FANCB: variants seen among roughly 807,000 people sequenced by gnomAD.
FANCB encodes the protein Fanconi anemia group B protein.
In FANCB, 5 loss-of-function variants were observed where a neutral mutation model predicts 38.9. The ratio of observed to expected loss-of-function variants is 0.13; its 90% CI spans 0.07 to 0.27. FANCB has a LOEUF of 0.27. Among genes scored for constraint, FANCB ranks in the 10% least tolerant of loss-of-function variants. The pLI, the probability that FANCB is intolerant of heterozygous loss-of-function variation, is 1.00. For synonymous variants in FANCB, 236 were observed against 215.4 expected, an observed-to-expected ratio of 1.10 and a Z score of -0.84; for missense variants, 573 against 602.7, an observed-to-expected ratio of 0.95 and a Z score of 0.52.
chrX:14,820,004 G>A, the FANCB span, among the ~76,000 whole-genome samples: 2 of 111,219 alleles, frequency 1.8e-5, no homozygotes, highest in South Asian at 7.5e-4. Flanking sequence ...TGTCCCCCAA[G>A]TGAACCCATT....
the FANCB span, among the ~76,000 whole-genome samples, chrX:14,734,404 G>A: frequency 8.9e-6 from 1 of 112,037 alleles, no homozygotes; most frequent in Non-Finnish European, 1.9e-5. Context: ...AGGAGCTCTG[G>A]TAAGGCAGGC....
the FANCB span, among the ~76,000 whole-genome samples, chrX:14,707,779 C>T: frequency 1.5e-4 from 15 of 99,625 alleles, no homozygotes; most frequent in South Asian, 4.1e-4. Flanking sequence ...TGTGTGCACG[C>T]GCGCGTGTTG....
intron 7 of FANCB, among the ~76,000 whole-genome samples, chrX:14,849,674 T>C (rs2092392543): frequency 8.9e-6 from 1 of 112,474 alleles, no homozygotes; most frequent in African/African-American, 3.2e-5. Flanking sequence ...ACCTATTCAC[T>C]TTGGTCAATA....
chrX:14,845,370 TA>T (rs1256854930), intron 7 of FANCB, 84 bp from the exon 8 acceptor site: 3 of 705,762 alleles, frequency 4.3e-6, no homozygotes, highest in Non-Finnish European at 6.6e-6. Flanking sequence ...CAAACAACAG[TA>T]AAAAATGTTT....
chrX:14,736,667 G>A, the FANCB span, among the ~76,000 whole-genome samples: 5 of 111,584 alleles, frequency 4.5e-5, no homozygotes, highest in African/African-American at 6.5e-5. Context: ...GCTGCAGACT[G>A]GAGCTGTTCC....
chrX:14,757,021 T>C, the FANCB span, among the ~76,000 whole-genome samples: 1,241 of 112,029 alleles, frequency 0.011, 13 homozygotes, highest in African/African-American at 0.037. Flanking sequence ...CATACTGAGG[T>C]ATCTCCTCAC....
the FANCB span, among the ~76,000 whole-genome samples, chrX:14,720,453 A>G: frequency 8.9e-6 from 1 of 112,061 alleles, no homozygotes; most frequent in Non-Finnish European, 1.9e-5. Flanking sequence ...GAGACAAGGT[A>G]TCTGCTCCAC....
the FANCB span, among the ~76,000 whole-genome samples, chrX:14,712,443 TTTTGTCTTC>T: frequency 9.0e-6 from 1 of 111,602 alleles, no homozygotes; most frequent in South Asian, 3.7e-4. Flanking sequence ...AAGTGCAGGA[TTTTGTCTTC>T]TTTATCCTTG....
intron 3 of FANCB, among the ~76,000 whole-genome samples, chrX:14,861,163 C>T (rs1269245249): frequency 8.9e-6 from 1 of 111,752 alleles, no homozygotes; most frequent in African/African-American, 3.3e-5. Context: ...GGATTACAAA[C>T]GTGGGCCACT....
the FANCB span, among the ~76,000 whole-genome samples, chrX:14,792,309 G>C: frequency 9.0e-6 from 1 of 110,738 alleles, no homozygotes; most frequent in Admixed American, 9.7e-5. Context: ...GAATAAATTT[G>C]ATCTGAAAAA....
In FANCB at chrX:14,864,310, T is replaced by C. The variant is rs902984436; in HGVS notation, c.951+250A>G. Among the ~76,000 whole-genome samples the C allele has an allele frequency of 1.7e-4, 19 of 111,369 alleles. No individual in the cohort carries two copies. In the Admixed American group the frequency reaches 1.7e-3, roughly 10 times the overall value. ...TAGAAAAATAAATACATAATTCTAG[T>C]TACATATGTATTTACACATTTCCAA... On this transcript the variant is annotated intron_variant, in intron 3 of 9. Coordinates refer to ENST00000650831, the MANE Select transcript of FANCB (RefSeq NM_001018113.3).
rs1269052513 is a variant in FANCB, at chrX:14,843,793, A to G, written c.2354T>C (p.Met785Thr). The G allele has an allele frequency of 2.5e-6, 3 of 1,209,536 alleles. No homozygotes were observed. In the African/African-American group the frequency reaches 5.2e-5, roughly 21 times the overall value. ...TCCTTTGCTCACTTCACACCTCTGC[A>G]TAAAATTGCTTTCATGTTTAGCTAT... ...SAIAKHESNF[M>T]QRCEVSKGKS... Residue 785 changes from methionine to threonine, a missense_variant, in exon 10 of 10, where the codon ATG (methionine) becomes ACG (threonine). Transcript: ENST00000650831.
chrX:14,731,373 C>G, the FANCB span: 1 of 111,611 alleles, frequency 9.0e-6, no homozygotes. Flanking sequence ...TGACTTTAAT[C>G]GCCCAACTGT....
At chrX:14,729,927 A>G in the FANCB span, among the ~76,000 whole-genome samples, 1 of 112,121 alleles carries the variant, frequency 8.9e-6, no homozygotes, top group South Asian at 3.7e-4. Flanking sequence ...AGATTTTGGG[A>G]AAGTCAGTAC....
the FANCB span, chrX:14,730,484 A>AGAT: frequency 8.4e-7 from 1 of 1,191,664 alleles, no homozygotes; most frequent in Non-Finnish European, 1.1e-6. Flanking sequence ...CACAAGAAAT[A>AGAT]GATGTGCCCT....
chrX:14,803,427 G>A, the FANCB span, among the ~76,000 whole-genome samples: 1 of 112,645 alleles, frequency 8.9e-6, no homozygotes, highest in Non-Finnish European at 1.9e-5. Context: ...AAGCAGAGAT[G>A]CTACTTGGAT....
chrX:14,749,076 A>C, the FANCB span, among the ~76,000 whole-genome samples: 13 of 111,811 alleles, frequency 1.2e-4, no homozygotes, highest in South Asian at 4.9e-3. Context: ...AGGGGTACCA[A>C]AAAACAAAAT....
chrX:14,844,027 C>G, intron 9 of FANCB, 46 bp from the exon 10 acceptor site: 4 of 1,085,950 alleles, frequency 3.7e-6, no homozygotes, highest in Non-Finnish European at 5.1e-6. Flanking sequence ...TAGGACAGCA[C>G]AAAGCAGTCA....
the FANCB span, among the ~76,000 whole-genome samples, chrX:14,762,493 T>C: frequency 3.6e-5 from 4 of 111,457 alleles, no homozygotes; most frequent in African/African-American, 9.8e-5. Context: ...CATTTTAATA[T>C]ATGAATTTTC....
Sources: gnomAD v4.1 joint callset for allele counts (sites outside exome capture counted in the v4.1 genomes callset) on GRCh38, gnomAD v4.1.1 for gene constraint, MANE v1.5 for transcripts, NCBI Gene and HGNC (gene_info 2026-07-23, HGNC 2026-07-21) for gene names.